RAB20: variants seen among roughly 807,000 people sequenced by gnomAD.
The protein encoded by RAB20 is RAB20, member RAS oncogene family.
A neutral mutation model predicts 3.7 loss-of-function variants in RAB20; 2 were observed. That is an observed-to-expected ratio of 0.54 (90% CI 0.22 to 1.69). RAB20 has a LOEUF of 1.69. Among genes scored for constraint, RAB20 ranks in the 40% most tolerant of loss-of-function variants. The probability of loss-of-function intolerance (pLI) is 0.19; values close to 1 mark genes in which losing one functional copy is unlikely to be tolerated. For synonymous variants in RAB20, 126 were observed against 130.8 expected, an observed-to-expected ratio of 0.96 and a Z score of 0.25; for missense variants, 276 against 311.9, an observed-to-expected ratio of 0.88 and a Z score of 0.87.
In RAB20 at chr13:110,523,908, C is replaced by T. The variant is rs755144681; in HGVS notation, c.462G>A (p.Ala154=). Residue 154 remains alanine (A), a synonymous_variant, in exon 2 of 2, where the codon GCG becomes GCA. Transcript: ENST00000267328. ...TGAGGATCTTTTTATAAAGGGCCAC[C>T]GCATCCTCCAGCTGCACCTGCTTAG... is the stretch of plus-strand genomic sequence containing the variant. ...RAPKQVQLED[A]VALYKKILKY... The T allele has an allele frequency of 5.6e-6, 9 of 1,614,090 alleles. No individual in the cohort carries two copies. The highest frequency in any genetic ancestry group is 2.7e-5 in the African/African-American group (2 of 74,914).
At chr13:110,552,561 C>T (rs1293508258) in intron 1 of RAB20, among the ~76,000 whole-genome samples, 17 of 147,600 alleles carry the variant, frequency 1.2e-4, no homozygotes, top group African/African-American at 3.5e-4. Context: ...GGCGCGGTGG[C>T]GGGCGCCTGT....
At chr13:110,527,972 G>A (rs544891112) in intron 1 of RAB20, among the ~76,000 whole-genome samples, 16 of 148,418 alleles carry the variant, frequency 1.1e-4, no homozygotes, top group East Asian at 8.1e-4. Context: ...GCATGGTGAC[G>A]CATGCCTGTA....
At chr13:110,546,611 CGT>C (rs1436075486) in intron 1 of RAB20, among the ~76,000 whole-genome samples, 2 of 152,026 alleles carry the variant, frequency 1.3e-5, no homozygotes, top group Non-Finnish European at 2.9e-5. Context: ...GGCCACTAAG[CGT>C]GTGTCATGGC....
At chr13:110,558,519 G>C (rs1885078042) in intron 1 of RAB20, among the ~76,000 whole-genome samples, 1 of 151,298 alleles carries the variant, frequency 6.6e-6, no homozygotes, top group Non-Finnish European at 1.5e-5. Flanking sequence ...AAGTAGCTAG[G>C]ATTACAGGCG....
At chr13:110,544,268 C>A (rs1300481813) in intron 1 of RAB20, among the ~76,000 whole-genome samples, 1 of 152,172 alleles carries the variant, frequency 6.6e-6, no homozygotes, top group Non-Finnish European at 1.5e-5. Flanking sequence ...TGTTTTCATG[C>A]TGAGGTCATG....
intron 1 of RAB20, among the ~76,000 whole-genome samples, chr13:110,534,485 C>T (rs924069775): frequency 1.6e-4 from 25 of 152,356 alleles, no homozygotes; most frequent in African/African-American, 5.5e-4. Context: ...GTGCCGACCA[C>T]GCCCCGACCC....
intron 1 of RAB20, among the ~76,000 whole-genome samples, chr13:110,543,280 C>G (rs1213582850): frequency 6.6e-6 from 1 of 152,102 alleles, no homozygotes. Flanking sequence ...AGATGTGCAC[C>G]ACCTCCCCTG....
chr13:110,531,976 AG>A, intron 1 of RAB20, among the ~76,000 whole-genome samples: 1 of 152,298 alleles, frequency 6.6e-6, no homozygotes, highest in African/African-American at 2.4e-5. Flanking sequence ...TTCACTCTTC[AG>A]CCTTCCCAAA....
At chr13:110,530,091 T>C (rs1424747912) in intron 1 of RAB20, among the ~76,000 whole-genome samples, 4 of 152,008 alleles carry the variant, frequency 2.6e-5, no homozygotes, top group Non-Finnish European at 4.4e-5. Flanking sequence ...CCCTGCTCAC[T>C]GCAGACAGGG....
At chr13:110,526,986 GAC>G (rs1191509993) in intron 1 of RAB20, among the ~76,000 whole-genome samples, 1 of 152,152 alleles carries the variant, frequency 6.6e-6, no homozygotes, top group Non-Finnish European at 1.5e-5. Context: ...GAGGGGTCTT[GAC>G]ACAAATGAAG....
intron 1 of RAB20, among the ~76,000 whole-genome samples, chr13:110,552,957 G>A (rs938177014): frequency 6.6e-6 from 1 of 152,202 alleles, no homozygotes; most frequent in African/African-American, 2.4e-5. Context: ...CACACTGCTC[G>A]CAAGCGGCCA....
intron 1 of RAB20, among the ~76,000 whole-genome samples, chr13:110,543,138 T>A (rs1375985215): frequency 6.6e-6 from 1 of 152,190 alleles, no homozygotes; most frequent in Non-Finnish European, 1.5e-5. Context: ...ATTTTATTTT[T>A]TTTTATTTTT....
intron 1 of RAB20, among the ~76,000 whole-genome samples, chr13:110,530,181 T>G (rs1446157775): frequency 1.9e-5 from 2 of 103,546 alleles, no homozygotes; most frequent in African/African-American, 7.6e-5. Context: ...ACCCCACCTC[T>G]ACACAGACAC....
At position 110,527,640 on chromosome 13, in the gene RAB20, C is replaced by T. The variant is rs147795394; in HGVS notation, c.173-3443G>A. 4.0e-4 allele frequency among the ~76,000 whole-genome samples: 61 copies of T among 152,294 alleles called. 1 individual carries two copies. In the East Asian group the frequency reaches 0.011, roughly 27 times the overall value. On this transcript the variant is annotated intron_variant, in intron 1 of 1. Coordinates refer to ENST00000267328, the MANE Select transcript of RAB20 (RefSeq NM_017817.3). ...AAGGGCAACATTCCTCCCTTCCGCA[C>T]GCCTACCAGGGGTCAGCTTCAGACT...
At chr13:110,535,375 C>T (rs914039619) in intron 1 of RAB20, among the ~76,000 whole-genome samples, 16 of 152,274 alleles carry the variant, frequency 1.1e-4, no homozygotes, top group East Asian at 1.9e-4. Context: ...CAGACACTCA[C>T]GGGCTGCTTG....
chr13:110,534,138 A>T (rs9521821), intron 1 of RAB20, among the ~76,000 whole-genome samples: 61,819 of 152,060 alleles, frequency 0.41, 13,065 homozygotes, highest in African/African-American at 0.53. Flanking sequence ...GTGAGAAAGC[A>T]GACAGTGCTC....
intron 1 of RAB20, among the ~76,000 whole-genome samples, chr13:110,534,926 T>A (rs906160393): frequency 6.6e-6 from 1 of 152,210 alleles, no homozygotes; most frequent in Non-Finnish European, 1.5e-5. Flanking sequence ...CTCATCCTCC[T>A]GGGCTCAAGC....
At chr13:110,552,362 G>A (rs566643377) in intron 1 of RAB20, among the ~76,000 whole-genome samples, 2 of 141,392 alleles carry the variant, frequency 1.4e-5, no homozygotes, top group African/African-American at 2.7e-5. Context: ...CTGGGCAACA[G>A]AGTGAGACTC....
chr13:110,541,842 T>C (rs140016693), intron 1 of RAB20, among the ~76,000 whole-genome samples: 1 of 92,780 alleles, frequency 1.1e-5, no homozygotes. Context: ...ACACACACAC[T>C]CTCACATACA....
Sources: allele counts gnomAD v4.1 joint callset (sites outside exome capture counted in the v4.1 genomes callset), GRCh38; gene constraint gnomAD v4.1.1; transcripts MANE v1.5; gene names NCBI Gene and HGNC (gene_info 2026-07-23, HGNC 2026-07-21).